The following ABTB3 variants were observed in gnomAD, a reference collection of about 807,000 sequenced individuals.
ABTB3 encodes ankyrin repeat and BTB domain containing 3.
chr12:107,377,034 G>C, the ABTB3 span, among the ~76,000 whole-genome samples: 1 of 152,144 alleles, frequency 6.6e-6, no homozygotes, highest in Non-Finnish European at 1.5e-5. Flanking sequence ...GCACTGCTCA[G>C]ATACCCCTTC....
At chr12:107,367,282 T>C in the ABTB3 span, among the ~76,000 whole-genome samples, 1 of 152,112 alleles carries the variant, frequency 6.6e-6, no homozygotes, top group Non-Finnish European at 1.5e-5. Flanking sequence ...TAAAATTTGG[T>C]GAGGAAAAGG....
the ABTB3 span, among the ~76,000 whole-genome samples, chr12:107,521,672 G>A: frequency 1.3e-5 from 2 of 149,656 alleles, no homozygotes; most frequent in Admixed American, 6.7e-5. Flanking sequence ...TTACTTCCAT[G>A]TCCCCCCACC....
At chr12:107,611,153 A>T in the ABTB3 span, among the ~76,000 whole-genome samples, 2 of 152,204 alleles carry the variant, frequency 1.3e-5, no homozygotes, top group African/African-American at 4.8e-5. Flanking sequence ...AACCCCAGTG[A>T]TTTATTACAC....
At chr12:107,494,151 C>T in the ABTB3 span, among the ~76,000 whole-genome samples, 1 of 152,216 alleles carries the variant, frequency 6.6e-6, no homozygotes, top group East Asian at 1.9e-4. Flanking sequence ...CAGCTTTGCT[C>T]AGCTTTCCAG....
At chr12:107,379,399 T>G in the ABTB3 span, among the ~76,000 whole-genome samples, 9 of 152,100 alleles carry the variant, frequency 5.9e-5, no homozygotes, top group Non-Finnish European at 1.2e-4. Context: ...GTTCTTGTGA[T>G]AGAGAAGAAG....
chr12:107,399,529 C>T, the ABTB3 span, among the ~76,000 whole-genome samples: 1 of 152,130 alleles, frequency 6.6e-6, no homozygotes, highest in Non-Finnish European at 1.5e-5. Flanking sequence ...GCACCCATCT[C>T]CCCCTCATTT....
the ABTB3 span, among the ~76,000 whole-genome samples, chr12:107,414,579 G>A: frequency 2.6e-4 from 40 of 152,216 alleles, no homozygotes; most frequent in African/African-American, 8.9e-4. Flanking sequence ...CAGAAATAAA[G>A]GTGGCGAGAC....
chr12:107,621,819 C>A, the ABTB3 span, among the ~76,000 whole-genome samples: 1 of 152,182 alleles, frequency 6.6e-6, no homozygotes, highest in South Asian at 2.1e-4. Flanking sequence ...ACTTGGACAG[C>A]TCATTAGATA....
chr12:107,545,366 C>T, the ABTB3 span, among the ~76,000 whole-genome samples: 1 of 152,050 alleles, frequency 6.6e-6, no homozygotes, highest in African/African-American at 2.4e-5. Flanking sequence ...CTCAGCCCCC[C>T]TCAAGTAGCT....
At chr12:107,473,289 C>T in the ABTB3 span, among the ~76,000 whole-genome samples, 1 of 152,178 alleles carries the variant, frequency 6.6e-6, no homozygotes, top group African/African-American at 2.4e-5. Context: ...ACCCCCCATC[C>T]TCCCTCTGGT....
At chr12:107,542,501 A>T in the ABTB3 span, among the ~76,000 whole-genome samples, 1 of 152,192 alleles carries the variant, frequency 6.6e-6, no homozygotes, top group Non-Finnish European at 1.5e-5. Flanking sequence ...TCCATTTGAT[A>T]TCAGCCCCTA....
At chr12:107,597,149 T>G in the ABTB3 span, among the ~76,000 whole-genome samples, 2 of 152,134 alleles carry the variant, frequency 1.3e-5, no homozygotes, top group Non-Finnish European at 2.9e-5. Flanking sequence ...ATATTCTGAG[T>G]CTGTAGACTC....
chr12:107,578,380 C>CTTTTTTTTTT, the ABTB3 span, among the ~76,000 whole-genome samples: 2 of 46,596 alleles, frequency 4.3e-5, no homozygotes, highest in African/African-American at 1.6e-4. Context: ...TTTCTTTCTT[C>CTTTTTTTTTT]TTCTTTTTTT....
At chr12:107,335,818 G>A in the ABTB3 span, among the ~76,000 whole-genome samples, 8 of 151,472 alleles carry the variant, frequency 5.3e-5, no homozygotes, top group Non-Finnish European at 3.0e-5. Context: ...AGAGTGCTGC[G>A]CTTGGAACCT....
chr12:107,401,512 C>T, the ABTB3 span, among the ~76,000 whole-genome samples: 1 of 152,186 alleles, frequency 6.6e-6, no homozygotes, highest in Admixed American at 6.5e-5. Flanking sequence ...CCCAAGGTTT[C>T]AGTAGTCTGG....
the ABTB3 span, among the ~76,000 whole-genome samples, chr12:107,578,383 C>CTTTTTTTTTTTTTTTTTTTTTTT: frequency 1.2e-4 from 7 of 57,200 alleles, no homozygotes; most frequent in Non-Finnish European, 1.2e-4. Flanking sequence ...CTTTCTTCTT[C>CTTTTTTTTTTTTTTTTTTTTTTT]TTTTTTTTTT....
the ABTB3 span, among the ~76,000 whole-genome samples, chr12:107,370,642 G>C: frequency 4.5e-3 from 688 of 152,222 alleles, 6 homozygotes; most frequent in African/African-American, 0.015. Context: ...GCCGTGCTCT[G>C]GACTGGGTGG....
At chr12:107,604,490 T>C in the ABTB3 span, among the ~76,000 whole-genome samples, 1 of 152,084 alleles carries the variant, frequency 6.6e-6, no homozygotes, top group Non-Finnish European at 1.5e-5. Context: ...AGAAGACATA[T>C]AAATGGCCAA....
the ABTB3 span, among the ~76,000 whole-genome samples, chr12:107,381,093 C>CG: frequency 6.6e-6 from 1 of 151,852 alleles, no homozygotes; most frequent in Non-Finnish European, 1.5e-5. Context: ...CTACCCACCC[C>CG]CCATCATTAC....
Sources: gnomAD v4.1 joint callset for allele counts (sites outside exome capture counted in the v4.1 genomes callset) on GRCh38, gnomAD v4.1.1 for gene constraint, MANE v1.5 for transcripts, NCBI Gene and HGNC (gene_info 2026-07-23, HGNC 2026-07-21) for gene names.